The following ANKRD6 variants were observed in gnomAD, a reference collection of about 807,000 sequenced individuals.
ANKRD6 encodes the protein ankyrin repeat domain 6.
A neutral mutation model predicts 82.3 loss-of-function variants in ANKRD6; 56 were observed. That is an observed-to-expected ratio of 0.68 (90% CI 0.55 to 0.85). The LOEUF (loss-of-function observed/expected upper bound fraction) is 0.85. Among genes scored for constraint, ANKRD6 ranks in the 40% least tolerant of loss-of-function variants. The pLI, the probability that ANKRD6 is intolerant of heterozygous loss-of-function variation, is 0.00. For synonymous variants in ANKRD6, 347 were observed against 352.1 expected (o/e 0.99, Z 0.16); for missense variants, 852 against 907.6 (o/e 0.94, Z 0.79).
chr6:89,553,285 C>T (rs1786100315), intron 1 of ANKRD6, among the ~76,000 whole-genome samples: 1 of 152,130 alleles, frequency 6.6e-6, no homozygotes, highest in Non-Finnish European at 1.5e-5. Context: ...GTCACACAGC[C>T]GACTGATAGC....
chr6:89,614,684 G>A (rs959184749), intron 7 of ANKRD6, among the ~76,000 whole-genome samples: 11 of 151,966 alleles, frequency 7.2e-5, no homozygotes, highest in Admixed American at 5.9e-4. Context: ...TTTAAAAATT[G>A]GGCAGAGTGG....
At chr6:89,498,115 T>G (rs897377270) in intron 1 of ANKRD6, among the ~76,000 whole-genome samples, 4 of 152,188 alleles carry the variant, frequency 2.6e-5, no homozygotes, top group Admixed American at 6.5e-5. Flanking sequence ...ACAATTAGAC[T>G]AGTGTAAGTC....
chr6:89,618,068 C>G lies in ANKRD6; in HGVS notation c.792+37C>G. 1.9e-6 allele frequency: 3 copies of G among 1,606,470 alleles called. No individual in the cohort carries two copies. In the South Asian group the frequency reaches 3.3e-5, roughly 18 times the overall value. On this transcript the variant is annotated intron_variant, in intron 9 of 15. Coordinates refer to ENST00000339746, the MANE Select transcript of ANKRD6 (RefSeq NM_001242809.2). The stretch of plus-strand genomic sequence containing the variant: ...TGCCCTTTCCATGGTACTGATTATG[C>G]GGGACTACAAAGTTGTTGGGACTCC...
At position 89,627,612 on chromosome 6, in the gene ANKRD6, G is replaced by C; in HGVS notation, c.1401G>C (p.Glu467Asp). 1 of 1,613,846 alleles carries C rather than the reference G, an allele frequency of 6.2e-7. No homozygotes were observed. The highest frequency in any genetic ancestry group is 1.1e-5 in the South Asian group (1 of 91,084). ...GTGTTTTGGACAAGCTGATGGTTGA[G>C]CGACTTTCTGCAGAGAGGACGGAGT... ...QMRVLDKLMV[E>D]RLSAERTECL... The change falls in exon 14 of 16, where the codon GAG becomes GAC. Residue 467 changes from glutamate to aspartate, a missense_variant. Physicochemically the swap from Glu to Asp is conservative, Grantham distance 45. Coordinates refer to ENST00000339746, the MANE Select transcript of ANKRD6 (RefSeq NM_001242809.2).
chr6:89,447,658 C>G (rs1772258768), intron 1 of ANKRD6, among the ~76,000 whole-genome samples: 1 of 152,184 alleles, frequency 6.6e-6, no homozygotes, highest in Non-Finnish European at 1.5e-5. Flanking sequence ...CAGCCTTCTA[C>G]TGGAAGGAGA....
rs189815286 is a variant in ANKRD6 at position 89,475,779 on chromosome 6, T to A, written c.-144+42404T>A. The stretch of plus-strand genomic sequence containing the variant: ...GAAATGCTCAAAGAGAGTGAACATT[T>A]AACAAATACTGCCAGATTGTCCTCC... On this transcript the variant is annotated intron_variant, in intron 1 of 15. Coordinates refer to ENST00000339746, the MANE Select transcript of ANKRD6 (RefSeq NM_001242809.2). Among the ~76,000 whole-genome samples the A allele has an allele frequency of 4.7e-4, 72 of 152,336 alleles. No individual in the cohort carries two copies. In the East Asian group the frequency reaches 0.013, roughly 27 times the overall value.
intron 14 of ANKRD6, 33 bp downstream of exon 14, chr6:89,627,729 T>C (rs369968548): frequency 6.5e-5 from 104 of 1,602,282 alleles, no homozygotes; most frequent in Non-Finnish European, 7.9e-5. Flanking sequence ...CCTTAACTTA[T>C]GATTTACCAC....
At chr6:89,541,610 T>G (rs1456402752) in intron 1 of ANKRD6, among the ~76,000 whole-genome samples, 1 of 151,902 alleles carries the variant, frequency 6.6e-6, no homozygotes, top group Non-Finnish European at 1.5e-5. Context: ...GCCAGGCTGG[T>G]CCTGAACTCC....
At chr6:89,587,460 G>A (rs1793997931) in intron 2 of ANKRD6, among the ~76,000 whole-genome samples, 1 of 152,204 alleles carries the variant, frequency 6.6e-6, no homozygotes, top group East Asian at 1.9e-4. Flanking sequence ...CTGCCCTCCA[G>A]TCTGGCGACA....
chr6:89,594,457 G>A (rs1354624734), intron 2 of ANKRD6, among the ~76,000 whole-genome samples: 17 of 148,692 alleles, frequency 1.1e-4, no homozygotes, highest in Non-Finnish European at 1.6e-4. Flanking sequence ...CTGTCTCAAA[G>A]AAAAAAAAAA....
chr6:89,445,264 CTTTTTTTTT>C (rs1227274602), intron 1 of ANKRD6, among the ~76,000 whole-genome samples: 1 of 64,092 alleles, frequency 1.6e-5, no homozygotes, highest in African/African-American at 6.3e-5. Flanking sequence ...AGAGATCTTT[CTTTTTTTTT>C]TTTTTTTTTT....
rs187276490 is a variant in ANKRD6 at position 89,541,675 on chromosome 6, G to T, written c.-143-25159G>T. On this transcript the variant is annotated intron_variant, in intron 1 of 15. Transcript: ENST00000339746. ...CCAGTATGTGTGGCTATTATAAATA[G>T]AATTACTTTTTAGATTTCTTTTTTA... 4.3e-4 allele frequency among the ~76,000 whole-genome samples: 65 copies of T among 151,878 alleles called. No individual in the cohort carries two copies. The East Asian group carries it at 4.6e-3, about 11-fold the overall frequency.
intron 1 of ANKRD6, among the ~76,000 whole-genome samples, chr6:89,540,901 G>A (rs1784374768): frequency 6.6e-6 from 1 of 152,104 alleles, no homozygotes; most frequent in East Asian, 1.9e-4. Flanking sequence ...CCCAGTATAT[G>A]TTTTTGGCAC....
intron 1 of ANKRD6, among the ~76,000 whole-genome samples, chr6:89,475,812 T>C (rs1298969231): frequency 6.6e-6 from 1 of 152,150 alleles, no homozygotes; most frequent in African/African-American, 2.4e-5. Context: ...TCCAGAAAGG[T>C]TGTACCCATG....
rs564056360 is a variant in ANKRD6, at chr6:89,498,434, CTT to C, written c.-144+65060_-144+65061del. 8.2e-3 allele frequency among the ~76,000 whole-genome samples: 1,244 copies of C among 152,118 alleles called. 17 individuals are homozygous for C. Among genetic ancestry groups the C allele is most frequent in the African/African-American group, 0.028 (1,170 of 41,498 alleles). On this transcript the variant is annotated intron_variant, in intron 1 of 15. Transcript: ENST00000339746. ...ATCTGGGATATAATGATGTATAAAT[CTT>C]ATATATCTGCTAGGTCTGTAATATA... is the stretch of plus-strand genomic sequence containing the variant.
Position 89,627,615 on chromosome 6 carries a change from A to G in ANKRD6, c.1404A>G (p.Arg468=). 6.2e-7 allele frequency: 1 copy of G among 1,613,842 alleles called. No individual in the cohort carries two copies. Among genetic ancestry groups the G allele is most frequent in the Non-Finnish European group, 8.5e-7 (1 of 1,179,778 alleles). ...MRVLDKLMVE[R]LSAERTECLN... ...TTTTGGACAAGCTGATGGTTGAGCGACTTTCTGCAGAGAGGACGGAGTGCC... is the reference window on the plus strand; with the variant it reads ...TTTTGGACAAGCTGATGGTTGAGCGGCTTTCTGCAGAGAGGACGGAGTGCC... The change falls in exon 14 of 16, where the codon CGA becomes CGG. Residue 468 remains arginine (R), a synonymous_variant. Transcript: ENST00000339746.
At chr6:89,470,278 C>CGTTT (rs1562572856) in intron 1 of ANKRD6, among the ~76,000 whole-genome samples, 1 of 152,088 alleles carries the variant, frequency 6.6e-6, no homozygotes, top group Non-Finnish European at 1.5e-5. Context: ...CTCAGGAAAA[C>CGTTT]GTTACTGAAA....
chr6:89,558,127 G>A (rs1786875591), intron 1 of ANKRD6, among the ~76,000 whole-genome samples: 1 of 152,148 alleles, frequency 6.6e-6, no homozygotes, highest in African/African-American at 2.4e-5. Context: ...GTGCCAAAAA[G>A]TTTGAGGACT....
chr6:89,474,021 A>G (rs1775769766), intron 1 of ANKRD6, among the ~76,000 whole-genome samples: 1 of 152,162 alleles, frequency 6.6e-6, no homozygotes, highest in Non-Finnish European at 1.5e-5. Context: ...GTAATGGCAT[A>G]GATGAAAGAG....
Sources: gnomAD v4.1 joint callset for allele counts (sites outside exome capture counted in the v4.1 genomes callset) on GRCh38, gnomAD v4.1.1 for gene constraint, MANE v1.5 for transcripts, NCBI Gene and HGNC (gene_info 2026-07-23, HGNC 2026-07-21) for gene names.